Variants in MEP1A observed in about 807,000 individuals in gnomAD.
MEP1A encodes the protein meprin A subunit alpha.
Under a neutral mutation model 84.5 loss-of-function variants are expected in MEP1A, and 68 were observed. That is an observed-to-expected ratio of 0.80 (90% CI 0.66 to 0.98). The LOEUF (loss-of-function observed/expected upper bound fraction) is 0.98, where lower values mean the gene tolerates loss of function less well. Ranked by LOEUF, MEP1A falls within the 50% of genes least tolerant of loss-of-function variation. The pLI is 0.00. For synonymous variants in MEP1A, 337 were observed against 336.8 expected (o/e 1.00, Z -0.01); for missense variants, 887 against 919.9 (o/e 0.96, Z 0.46).
chr6:46,841,383 G>A (rs1768328764), downstream of MEP1A, among the ~76,000 whole-genome samples: 1 of 152,116 alleles, frequency 6.6e-6, no homozygotes, highest in African/African-American at 2.4e-5. Context: ...AATCTGACAT[G>A]TTATTCAGCT....
chr6:46,807,835 G>GAAAGAAAT (rs1767400219), intron 5 of MEP1A, among the ~76,000 whole-genome samples: 1 of 126,688 alleles, frequency 7.9e-6, no homozygotes, highest in Non-Finnish European at 1.9e-5. Context: ...AAGAAAGAAA[G>GAAAGAAAT]AAAGGAAGAA....
chr6:46,798,731 G>A (rs872019), intron 4 of MEP1A, 85 bp downstream of exon 4: 1 of 1,152,744 alleles, frequency 8.7e-7, no homozygotes, highest in Non-Finnish European at 1.3e-6. Context: ...CCAGCCCTGG[G>A]ATGGGCACTG....
At chr6:46,794,671 T>G (rs1370483275) in intron 3 of MEP1A, among the ~76,000 whole-genome samples, 3 of 152,226 alleles carry the variant, frequency 2.0e-5, no homozygotes, top group African/African-American at 7.2e-5. Flanking sequence ...AATGGCTGCA[T>G]AGGCAGAGCA....
intron 7 of MEP1A, among the ~76,000 whole-genome samples, chr6:46,822,360 G>A (rs1767799176): frequency 6.6e-6 from 1 of 152,140 alleles, no homozygotes; most frequent in Non-Finnish European, 1.5e-5. Context: ...AGTCTCAGCT[G>A]TGAGTCCCTA....
intron 5 of MEP1A, among the ~76,000 whole-genome samples, chr6:46,806,864 C>T (rs998913709): frequency 7.2e-5 from 11 of 152,066 alleles, no homozygotes; most frequent in African/African-American, 2.2e-4. Context: ...GAAATTAGAG[C>T]GTGCCCTCAT....
intron 1 of MEP1A, 22 bp downstream of exon 1, chr6:46,793,489 G>A (rs754608719): frequency 6.2e-7 from 1 of 1,605,230 alleles, no homozygotes; most frequent in South Asian, 1.1e-5. Flanking sequence ...CCTGCTTTTT[G>A]GATATTTAGA....
chr6:46,835,702 C>G (rs1366941348), intron 13 of MEP1A, among the ~76,000 whole-genome samples, 153 bp downstream of exon 13: 1 of 152,180 alleles, frequency 6.6e-6, no homozygotes, highest in East Asian at 1.9e-4. Context: ...AAGGTGTGCC[C>G]TGGATTCATG....
At chr6:46,833,683 C>G in intron 11 of MEP1A, 145 bp downstream of exon 11, 2 of 650,614 alleles carry the variant, frequency 3.1e-6, no homozygotes, top group Non-Finnish European at 2.6e-6. Flanking sequence ...AGTTTCAAGT[C>G]AAGATTTTCA....
chr6:46,801,610 C>T (rs766550769), intron 5 of MEP1A, among the ~76,000 whole-genome samples: 15 of 151,932 alleles, frequency 9.9e-5, no homozygotes, highest in Non-Finnish European at 1.9e-4. Flanking sequence ...AATGCAAAAG[C>T]TTTAAATGCT....
rs949692674 is a variant in MEP1A, at chr6:46,809,347, C to T, written c.263-73C>T. ...GGATTTAATGTGGCAGCATGGTTTT[C>T]TCTAAACTATAAGTTATAGATATTA... On this transcript the variant is annotated intron_variant, in intron 5 of 13. Coordinates refer to ENST00000230588, the MANE Select transcript of MEP1A (RefSeq NM_005588.3). 2.3e-5 allele frequency: 21 copies of T among 920,726 alleles called. No homozygotes were observed. The Admixed American group carries it at 5.2e-4, about 23-fold the overall frequency. 57.0% of individuals were successfully genotyped at this position (920,726 alleles called of 1,614,324 possible). A position where few individuals can be genotyped will look rare whatever the true frequency, so the allele number is the denominator to read the frequency against.
At chr6:46,812,626 C>T (rs768288176) in intron 6 of MEP1A, among the ~76,000 whole-genome samples, 4 of 151,712 alleles carry the variant, frequency 2.6e-5, no homozygotes, top group Non-Finnish European at 5.9e-5. Flanking sequence ...CCTCTTAGCA[C>T]TGCTTTTGCT....
chr6:46,802,766 G>A (rs1767223540), intron 5 of MEP1A, among the ~76,000 whole-genome samples: 1 of 151,728 alleles, frequency 6.6e-6, no homozygotes, highest in African/African-American at 2.4e-5. Context: ...TGTATCAAAT[G>A]CTTTTCCTGC....
downstream of MEP1A, among the ~76,000 whole-genome samples, chr6:46,842,237 C>T (rs1464269536): frequency 6.6e-6 from 1 of 152,058 alleles, no homozygotes; most frequent in Admixed American, 6.6e-5. Context: ...TGAAAAAGAA[C>T]AGAATAACAG....
At chr6:46,829,119 A>C (rs1048389630) in intron 9 of MEP1A, among the ~76,000 whole-genome samples, 2 of 152,360 alleles carry the variant, frequency 1.3e-5, no homozygotes, top group Non-Finnish European at 1.5e-5. Flanking sequence ...TATATTTCAC[A>C]ATCTTGGAAC....
At position 46,835,328 on chromosome 6, in the gene MEP1A, G is replaced by C. The variant is rs1562118547; in HGVS notation, c.1863G>C (p.Gln621His). 1.9e-6 allele frequency: 3 copies of C among 1,609,022 alleles called. No individual in the cohort carries two copies. The change falls in exon 13 of 14, where the codon CAG becomes CAC. Residue 621 changes from glutamine (Q) to histidine (H), a missense_variant. Gln to His is a conservative substitution (Grantham distance 24). Coordinates refer to ENST00000230588, the MANE Select transcript of MEP1A (RefSeq NM_005588.3). ...CCCAAGGCCTCATTCTCCAAGGCCA[G>C]GAGCAGCAGGTCTCCGAAGAAGGTT... is the stretch of plus-strand genomic sequence containing the variant. ...LSPQGLILQGQEQQVSEEGSG... is the reference protein window; with the variant it reads ...LSPQGLILQGHEQQVSEEGSG...
downstream of MEP1A, among the ~76,000 whole-genome samples, chr6:46,840,711 A>G (rs1768316726): frequency 1.3e-5 from 2 of 152,252 alleles, no homozygotes; most frequent in South Asian, 4.1e-4. Flanking sequence ...CCACTTACAG[A>G]GTAGCAGAGT....
At chr6:46,819,990 T>G (rs927043062) in intron 7 of MEP1A, among the ~76,000 whole-genome samples, 2 of 152,174 alleles carry the variant, frequency 1.3e-5, no homozygotes, top group Non-Finnish European at 2.9e-5. Flanking sequence ...TATCTAAAAC[T>G]CTACTTTCCT....
intron 5 of MEP1A, 147 bp downstream of exon 5, chr6:46,799,328 C>T: frequency 1.6e-6 from 1 of 620,534 alleles, no homozygotes; most frequent in Non-Finnish European, 2.9e-6. Flanking sequence ...GGGAGAAAGA[C>T]ATAACATTAC....
rs202060487 is a variant in MEP1A, at chr6:46,829,452, A to G, written c.1025A>G (p.Gln342Arg). Residue 342 changes from glutamine (Q) to arginine (R), a missense_variant, in exon 10 of 14, where the codon CAG (glutamine) becomes CGG (arginine). Physicochemically the swap from Gln to Arg is conservative, Grantham distance 43 (BLOSUM62 1). Transcript: ENST00000230588. ...ATTCTTTACCCAAAGAGGAAGCAGCAGTGCCTGCAATTTTTCTATAAAATG... is the reference window on the plus strand; with the variant it reads ...ATTCTTTACCCAAAGAGGAAGCAGCGGTGCCTGCAATTTTTCTATAAAATG... Reference protein sequence around the residue: ...SRILYPKRKQQCLQFFYKMTG... With the variant: ...SRILYPKRKQRCLQFFYKMTG... 1 of 1,614,192 alleles carries G rather than the reference A, an allele frequency of 6.2e-7. No individual in the cohort carries two copies. Among genetic ancestry groups the G allele is most frequent in the East Asian group, 2.2e-5 (1 of 44,882 alleles).
Sources: gnomAD v4.1 joint callset for allele counts (sites outside exome capture counted in the v4.1 genomes callset) on GRCh38, gnomAD v4.1.1 for gene constraint, MANE v1.5 for transcripts, NCBI Gene and HGNC (gene_info 2026-07-23, HGNC 2026-07-21) for gene names.